The following FBXL13 variants were observed in gnomAD, a reference collection of about 807,000 sequenced individuals.
FBXL13 encodes the protein F-box and leucine-rich repeat protein 13.
In FBXL13, 67 loss-of-function variants were observed where a neutral mutation model predicts 83.6. The observed-to-expected ratio is 0.80, with a 90% confidence interval of 0.66 to 0.98. The LOEUF is 0.98. Ranked by LOEUF, FBXL13 falls within the 50% of genes least tolerant of loss-of-function variation. The pLI, the probability that FBXL13 is intolerant of heterozygous loss-of-function variation, is 0.00. For missense variants in FBXL13, 822 were observed against 866.5 expected (o/e 0.95, Z 0.64); for synonymous variants, 272 against 299.5 (o/e 0.91, Z 0.95).
At chr7:102,829,966 G>A (rs1800368456) in intron 18 of FBXL13, among the ~76,000 whole-genome samples, 1 of 152,146 alleles carries the variant, frequency 6.6e-6, no homozygotes, top group Non-Finnish European at 1.5e-5. Flanking sequence ...ATACTCATCT[G>A]ACCCACAGTC....
chr7:102,881,305 G>GA (rs1271054433), intron 14 of FBXL13, among the ~76,000 whole-genome samples: 1 of 151,682 alleles, frequency 6.6e-6, no homozygotes, highest in Non-Finnish European at 1.5e-5. Context: ...ATTAGCCAGG[G>GA]ATGATGGTGG....
intron 14 of FBXL13, 149 bp from the exon 16 acceptor site, chr7:102,878,599 T>C (rs1051327316): frequency 4.7e-6 from 2 of 427,168 alleles, no homozygotes; most frequent in African/African-American, 4.1e-5. Flanking sequence ...TAAAACCAAA[T>C]TTGATTATAT....
chr7:102,920,013 C>A lies in FBXL13; in HGVS notation c.878+6261G>T, dbSNP rs75343250. 3.7e-3 allele frequency among the ~76,000 whole-genome samples: 569 copies of A among 152,236 alleles called. 5 individuals carry two copies. Among genetic ancestry groups the A allele is most frequent in the African/African-American group, 0.014 (562 of 41,544 alleles). The stretch of plus-strand genomic sequence containing the variant: ...AAAGAAAGTTAAATGATTAGCAAAA[C>A]CCACAAATAATATGTGTGTTCATAC... On this transcript the variant is annotated intron_variant, in intron 10 of 19. Transcript: ENST00000313221.
intron 18 of FBXL13, among the ~76,000 whole-genome samples, chr7:102,830,809 TTC>T (rs1800531609): frequency 6.6e-6 from 1 of 152,208 alleles, no homozygotes; most frequent in African/African-American, 2.4e-5. Context: ...ACCTTGTAAT[TTC>T]TGAGGATTTT....
At chr7:102,956,733 A>C (rs769614214) in intron 8 of FBXL13, among the ~76,000 whole-genome samples, 17 of 152,296 alleles carry the variant, frequency 1.1e-4, no homozygotes, top group Middle Eastern at 3.4e-3. Context: ...ATTCCTATAC[A>C]CCATTAACAG....
chr7:102,994,081 A>C (rs770019896), intron 6 of FBXL13, among the ~76,000 whole-genome samples: 1 of 152,218 alleles, frequency 6.6e-6, no homozygotes, highest in Non-Finnish European at 1.5e-5. Context: ...TAAAAAATTA[A>C]CTTTGCAAAT....
At chr7:103,002,636 G>C (rs988466009) in intron 6 of FBXL13, among the ~76,000 whole-genome samples, 1 of 152,202 alleles carries the variant, frequency 6.6e-6, no homozygotes, top group African/African-American at 2.4e-5. Flanking sequence ...GCCTGGGAAA[G>C]ACTATCTCTC....
At chr7:102,813,665 T>TGAGAGTGA (rs1250423446) in intron 19 of FBXL13, 134 bp from the exon 21 acceptor site, 6 of 855,612 alleles carry the variant, frequency 7.0e-6, no homozygotes, top group Non-Finnish European at 1.1e-5. Flanking sequence ...CTTGCCTTGC[T>TGAGAGTGA]GAGAGTGAGG....
intron 1 of FBXL13, among the ~76,000 whole-genome samples, chr7:103,064,205 GCCCTCCCCCATGA>G (rs1268516093): frequency 6.6e-6 from 1 of 152,166 alleles, no homozygotes; most frequent in Non-Finnish European, 1.5e-5. Flanking sequence ...ATTACATATT[GCCCTCCCCCATGA>G]CCCTATACCT....
At chr7:102,941,420 C>T (rs1184097198) in intron 8 of FBXL13, among the ~76,000 whole-genome samples, 4 of 152,102 alleles carry the variant, frequency 2.6e-5, no homozygotes, top group African/African-American at 4.8e-5. Flanking sequence ...ACTTCCCAAG[C>T]CCCTACCTAG....
chr7:102,967,270 CT>C lies in FBXL13; in HGVS notation c.591+751del, dbSNP rs56060851. Among the ~76,000 whole-genome samples the C allele has an allele frequency of 3.8e-3, 571 of 148,918 alleles. 4 individuals carry two copies. Among genetic ancestry groups the C allele is most frequent in the African/African-American group, 0.013 (538 of 40,018 alleles). On this transcript the variant is annotated intron_variant, in intron 7 of 19. Coordinates refer to ENST00000313221, the Ensembl canonical transcript of FBXL13. ...ACTGCACCCAGCCAATCCTCTCTTT[CT>C]TTTTTTTTTTTTTTTGAATGATACA...
chr7:102,912,956 G>C, intron 11 of FBXL13, 130 bp downstream of exon 12: 1 of 1,233,402 alleles, frequency 8.1e-7, no homozygotes, highest in Non-Finnish European at 1.1e-6. Context: ...CTGGGGCCAT[G>C]TAATTTAAAA....
chr7:102,846,695 C>G (rs957258432), intron 17 of FBXL13, among the ~76,000 whole-genome samples: 5 of 151,888 alleles, frequency 3.3e-5, no homozygotes, highest in Admixed American at 1.3e-4. Context: ...AATTAATCAT[C>G]TAAGCTCTTT....
chr7:102,986,099 CTCTT>C (rs1828922609), intron 6 of FBXL13, among the ~76,000 whole-genome samples: 2 of 151,948 alleles, frequency 1.3e-5, no homozygotes, highest in African/African-American at 4.8e-5. Context: ...TTTGCCTGTC[CTCTT>C]TATTTAGGAT....
chr7:102,936,499 A>G (rs917348801), intron 8 of FBXL13, among the ~76,000 whole-genome samples: 1 of 152,252 alleles, frequency 6.6e-6, no homozygotes, highest in African/African-American at 2.4e-5. Flanking sequence ...TTCTATAGCC[A>G]GAGTGGGTAG....
intron 11 of FBXL13, among the ~76,000 whole-genome samples, chr7:102,904,695 G>C (rs1046860011): frequency 2.0e-5 from 3 of 151,840 alleles, no homozygotes; most frequent in South Asian, 2.1e-4. Context: ...TCTTTAAGAT[G>C]CATCATCAGA....
downstream of FBXL13, among the ~76,000 whole-genome samples, chr7:102,812,950 C>A (rs1797530612): frequency 6.6e-6 from 1 of 151,126 alleles, no homozygotes; most frequent in Non-Finnish European, 1.5e-5. Context: ...TCAAGCAAGT[C>A]CCCTGCCTCA....
chr7:102,887,699 G>C (rs949622138), intron 11 of FBXL13, among the ~76,000 whole-genome samples: 2 of 152,120 alleles, frequency 1.3e-5, no homozygotes, highest in African/African-American at 4.8e-5. Flanking sequence ...TTATAGAGGG[G>C]AGTCCACTTT....
chr7:102,833,860 T>G (rs1801180942), intron 17 of FBXL13, among the ~76,000 whole-genome samples: 1 of 151,978 alleles, frequency 6.6e-6, no homozygotes, highest in Non-Finnish European at 1.5e-5. Flanking sequence ...TAATTTTCAT[T>G]CCTACTTTTC....
Sources: allele counts gnomAD v4.1 joint callset (sites outside exome capture counted in the v4.1 genomes callset), GRCh38; gene constraint gnomAD v4.1.1; transcripts MANE v1.5; gene names NCBI Gene and HGNC (gene_info 2026-07-23, HGNC 2026-07-21).